Variants in PCGF6 observed in about 807,000 individuals in gnomAD.
PCGF6 encodes the protein polycomb group ring finger 6, also known as polycomb group RING finger protein 6.
A neutral mutation model predicts 45.5 loss-of-function variants in PCGF6; 24 were observed. That is an observed-to-expected ratio of 0.53 (90% confidence interval 0.38 to 0.74). PCGF6 has a LOEUF of 0.74. Among genes scored for constraint, PCGF6 ranks in the 30% least tolerant of loss-of-function variants. The pLI is 0.00. For missense variants in PCGF6, 356 were observed against 443.2 expected, an observed-to-expected ratio of 0.80 and a Z score of 1.77; for synonymous variants, 152 against 162.1, an observed-to-expected ratio of 0.94 and a Z score of 0.47.
At position 103,350,926 on chromosome 10, in the gene PCGF6, AGGCGCCGGTCCCTCCTCACCCGCTGCG is replaced by A; in HGVS notation, c.114_140del (p.Ala39_Pro47del). Reference sequence around the variant, plus strand: ...AGCCGGGAGCCCCCGTCTCAGACAGAGGCGCCGGTCCCTCCTCACCCGCTGCGGGTGCAGGGGTGAGGGCGGGCGGGG... The same window carrying A: ...AGCCGGGAGCCCCCGTCTCAGACAGAGGTGCAGGGGTGAGGGCGGGCGGGG... On this transcript the variant is annotated inframe_deletion, in exon 1 of 10. Coordinates refer to ENST00000369847, the MANE Select transcript of PCGF6 (RefSeq NM_001011663.2). 2.0e-6 allele frequency: 3 copies of A among 1,512,310 alleles called. No homozygotes were observed. The highest frequency in any genetic ancestry group is 2.6e-6 in the Non-Finnish European group (3 of 1,135,724). 93.7% of individuals were successfully genotyped at this position (1,512,310 alleles called of 1,614,324 possible). A position where few individuals can be genotyped will look rare whatever the true frequency, so the allele number is the denominator to read the frequency against.
intron 6 of PCGF6, among the ~76,000 whole-genome samples, chr10:103,340,193 AAAAAAATAT>A (rs1412888245): frequency 9.2e-6 from 1 of 108,414 alleles, no homozygotes; most frequent in African/African-American, 3.9e-5. Flanking sequence ...AAAAAAAAAA[AAAAAAATAT>A]ATATATATAT....
intron 8 of PCGF6, 145 bp downstream of exon 8, chr10:103,326,389 A>AC: frequency 6.8e-6 from 1 of 147,770 alleles, no homozygotes; most frequent in African/African-American, 2.9e-5. Context: ...ACTCCATCTC[A>AC]AAAAAAAAAA....
At chr10:103,323,540 C>T (rs1437376593) in intron 8 of PCGF6, among the ~76,000 whole-genome samples, 2 of 152,036 alleles carry the variant, frequency 1.3e-5, no homozygotes, top group East Asian at 3.9e-4. Context: ...GGTGATCCAC[C>T]TGCCTTGGCC....
intron 8 of PCGF6, among the ~76,000 whole-genome samples, chr10:103,318,654 G>A (rs1324940965): frequency 6.6e-6 from 1 of 151,662 alleles, no homozygotes; most frequent in East Asian, 1.9e-4. Flanking sequence ...CTGAGGCAGA[G>A]AATGGCTTGA....
rs1407870420 is a variant in PCGF6, at chr10:103,318,713, C to T, written c.910-4441G>A. 2.0e-5 allele frequency among the ~76,000 whole-genome samples: 3 copies of T among 150,718 alleles called. No homozygotes were observed. In the East Asian group the frequency reaches 5.9e-4, roughly 29 times the overall value. ...GAGCTGAGATGGCACCACTGCACTC[C>T]AGCCTGGGCGACAGAGCGAGACTCT... On this transcript the variant is annotated intron_variant, in intron 8 of 9. Transcript: ENST00000369847.
In PCGF6 at chr10:103,326,514, T is replaced by C; in HGVS notation, c.909+20A>G. ...GTAAGCTCACAACTTTACCTATTCT[T>C]TTACATATATGTACTGTACCTGACA... On this transcript the variant is annotated intron_variant, in intron 8 of 9. Transcript: ENST00000369847. The C allele has an allele frequency of 6.6e-7, 1 of 1,521,506 alleles. No homozygotes were observed. The highest frequency in any genetic ancestry group is 8.9e-7 in the Non-Finnish European group (1 of 1,122,358). 94.3% of individuals were successfully genotyped at this position (1,521,506 alleles called of 1,614,324 possible). A position where few individuals can be genotyped will look rare whatever the true frequency, so the allele number is the denominator to read the frequency against.
intron 3 of PCGF6, 57 bp downstream of exon 3, chr10:103,348,659 C>A (rs1252638385): frequency 3.9e-6 from 5 of 1,284,786 alleles, no homozygotes; most frequent in Non-Finnish European, 5.4e-6. Context: ...TATATAACTT[C>A]AAGCTTTCAG....
At chr10:103,347,988 T>C (rs1167102297) in intron 3 of PCGF6, among the ~76,000 whole-genome samples, 2 of 84,430 alleles carry the variant, frequency 2.4e-5, no homozygotes, top group African/African-American at 4.1e-5. Context: ...ATAACAGTAA[T>C]CTACTGTTAG....
Position 103,350,752 on chromosome 10 carries a change from C to A in PCGF6, c.315G>T (p.Ser105=). ...CCTGCCGGCCTCCCTCCAGCCTCAA[C>A]GAGAAGTGACTCATGTCCTCCTCCT... ...EEEEEDMSHF[S]LRLEGGRQDS... The change falls in exon 1 of 10, where the codon TCG becomes TCT. Residue 105 remains serine, a synonymous_variant. Coordinates refer to ENST00000369847, the MANE Select transcript of PCGF6 (RefSeq NM_001011663.2). 2 of 1,558,402 alleles carry A rather than the reference C, an allele frequency of 1.3e-6. No individual in the cohort carries two copies. The highest frequency in any genetic ancestry group is 1.7e-6 in the Non-Finnish European group (2 of 1,152,572).
chr10:103,331,050 C>A (rs1165634944), intron 7 of PCGF6, among the ~76,000 whole-genome samples: 1 of 152,166 alleles, frequency 6.6e-6, no homozygotes, highest in Non-Finnish European at 1.5e-5. Flanking sequence ...CTGCACATTT[C>A]AGATAAATGA....
In PCGF6 at chr10:103,350,611, G is replaced by T. The variant is rs536008047; in HGVS notation, c.360+96C>A. 3.2e-6 allele frequency: 4 copies of T among 1,241,180 alleles called. No homozygotes were observed. The Admixed American group carries it at 1.5e-4, about 46-fold the overall frequency. 76.9% of individuals were successfully genotyped at this position (1,241,180 alleles called of 1,614,324 possible). A position where few individuals can be genotyped will look rare whatever the true frequency, so the allele number is the denominator to read the frequency against. On this transcript the variant is annotated intron_variant, in intron 1 of 9. Transcript: ENST00000369847. The stretch of plus-strand genomic sequence containing the variant: ...CCGCTCCAGTGCTCCGCGCGGCGGC[G>T]GCGCACTAGGATCGGGCCGGCGCCC...
intron 3 of PCGF6, among the ~76,000 whole-genome samples, chr10:103,347,754 T>C (rs2093304851): frequency 6.6e-6 from 1 of 152,166 alleles, no homozygotes; most frequent in African/African-American, 2.4e-5. Context: ...AGTGGCTCAA[T>C]CATGGCTCAC....
At chr10:103,331,838 G>A (rs2093241130) in intron 7 of PCGF6, among the ~76,000 whole-genome samples, 1 of 152,266 alleles carries the variant, frequency 6.6e-6, no homozygotes. Flanking sequence ...TGTCGCCCAG[G>A]CTGGAGTGCA....
At chr10:103,348,630 G>T (rs2093308386) in intron 3 of PCGF6, 86 bp downstream of exon 3, 4 of 1,045,272 alleles carry the variant, frequency 3.8e-6, no homozygotes, top group Non-Finnish European at 5.5e-6. Flanking sequence ...ATCCTGAGAG[G>T]TCAATAATTT....
chr10:103,335,188 CAGA>C (rs1203294372), intron 6 of PCGF6, among the ~76,000 whole-genome samples: 1 of 148,872 alleles, frequency 6.7e-6, no homozygotes, highest in African/African-American at 2.5e-5. Flanking sequence ...GCTGGGAGTA[CAGA>C]TATGTGCCAC....
intron 7 of PCGF6, among the ~76,000 whole-genome samples, chr10:103,332,572 G>A (rs933546816): frequency 4.6e-5 from 7 of 151,182 alleles, no homozygotes; most frequent in South Asian, 2.1e-4. Context: ...CAACGAACCC[G>A]GCCTAATATT....
intron 9 of PCGF6, among the ~76,000 whole-genome samples, chr10:103,305,040 G>A (rs557215700): frequency 6.6e-6 from 1 of 152,108 alleles, no homozygotes; most frequent in Admixed American, 6.6e-5. Flanking sequence ...ATAGCTCACT[G>A]TAGCCTCAAT....
At chr10:103,319,168 G>A (rs1298266580) in intron 8 of PCGF6, among the ~76,000 whole-genome samples, 4 of 151,872 alleles carry the variant, frequency 2.6e-5, no homozygotes, top group African/African-American at 4.8e-5. Context: ...TCTTCTTTTC[G>A]AGATGGAGTC....
intron 9 of PCGF6, 39 bp downstream of exon 9, chr10:103,314,147 G>A (rs779092277): frequency 3.0e-6 from 4 of 1,333,028 alleles, no homozygotes; most frequent in Non-Finnish European, 4.2e-6. Context: ...CTTTCACTAA[G>A]TAACTTATCT....
Sources: allele counts gnomAD v4.1 joint callset (sites outside exome capture counted in the v4.1 genomes callset), GRCh38; gene constraint gnomAD v4.1.1; transcripts MANE v1.5; gene names NCBI Gene and HGNC (gene_info 2026-07-23, HGNC 2026-07-21).